Variants in ADGRA3 observed in about 807,000 individuals in gnomAD.
ADGRA3 encodes G-protein coupled receptor 125.
ADGRA3 carries 56 observed loss-of-function variants against 119.8 expected under a neutral mutation model. That is an observed-to-expected ratio of 0.47 (90% confidence interval 0.38 to 0.58). The LOEUF is 0.58. ADGRA3 is among the 20% of genes least tolerant of loss of function. The pLI, the probability that ADGRA3 is intolerant of heterozygous loss-of-function variation, is 0.00. For synonymous variants in ADGRA3, 607 were observed against 623.8 expected, an observed-to-expected ratio of 0.97 and a Z score of 0.40; for missense variants, 1,516 against 1,649.0, an observed-to-expected ratio of 0.92 and a Z score of 1.40.
chr4:22,402,854 C>G (rs1297315919), intron 14 of ADGRA3, 55 bp from the exon 15 acceptor site: 1 of 1,551,326 alleles, frequency 6.4e-7, no homozygotes, highest in African/African-American at 1.4e-5. Context: ...CATTTAACTA[C>G]TGAGATTTTT....
At chr4:22,400,983 G>A (rs1714610936) in intron 16 of ADGRA3, among the ~76,000 whole-genome samples, 1 of 152,124 alleles carries the variant, frequency 6.6e-6, no homozygotes, top group Non-Finnish European at 1.5e-5. Context: ...TGGAAACAAA[G>A]AGTAAGATAT....
chr4:22,400,486 T>G (rs916147336), intron 16 of ADGRA3, among the ~76,000 whole-genome samples: 1 of 152,144 alleles, frequency 6.6e-6, no homozygotes, highest in African/African-American at 2.4e-5. Flanking sequence ...GTATCTGAAG[T>G]AGTCACAACT....
chr4:22,400,193 G>A (rs1041390715), intron 16 of ADGRA3, among the ~76,000 whole-genome samples: 1 of 152,100 alleles, frequency 6.6e-6, no homozygotes, highest in East Asian at 1.9e-4. Flanking sequence ...AGAAAACTGA[G>A]ACACAGAAGG....
intron 1 of ADGRA3, among the ~76,000 whole-genome samples, chr4:22,499,121 C>G (rs1718958360): frequency 6.6e-6 from 1 of 152,248 alleles, no homozygotes; most frequent in East Asian, 1.9e-4. Flanking sequence ...CCCCCCTTCC[C>G]CGAACAAGTA....
intron 4 of ADGRA3, among the ~76,000 whole-genome samples, chr4:22,449,781 AGG>A (rs1716966015): frequency 6.6e-6 from 1 of 151,408 alleles, no homozygotes; most frequent in East Asian, 2.0e-4. Context: ...GGCTAAGCGG[AGG>A]TGACAGTGAA....
intron 1 of ADGRA3, among the ~76,000 whole-genome samples, chr4:22,485,382 C>A (rs931734986): frequency 6.6e-6 from 1 of 152,180 alleles, no homozygotes; most frequent in Non-Finnish European, 1.5e-5. Context: ...ACATTATAAT[C>A]CCACACTTAA....
chr4:22,475,738 T>A (rs28367242), intron 1 of ADGRA3, among the ~76,000 whole-genome samples: 14,685 of 92,764 alleles, frequency 0.16, 897 homozygotes, highest in African/African-American at 0.26. Context: ...GAAAAAAAAA[T>A]AAATAAATAA....
intron 16 of ADGRA3, chr4:22,394,102 T>A (rs1409153723): frequency 1.3e-5 from 2 of 152,194 alleles, no homozygotes; most frequent in African/African-American, 2.4e-5. Flanking sequence ...TGCTTTTTTT[T>A]AATCACTGCT....
At chr4:22,482,491 TA>T (rs34275951) in intron 1 of ADGRA3, among the ~76,000 whole-genome samples, 114,182 of 143,544 alleles carry the variant, frequency 0.8, 45,625 homozygotes, top group East Asian at 0.95. Context: ...CCCCAACTCT[TA>T]AAAAAAAAAA....
At chr4:22,394,218 C>G (rs1714257001) in intron 16 of ADGRA3, 1 of 152,046 alleles carries the variant, frequency 6.6e-6, no homozygotes, top group South Asian at 2.1e-4. Flanking sequence ...GGACCACTGT[C>G]CAGAGTTTAT....
chr4:22,388,944 G>A lies in ADGRA3; in HGVS notation c.2727C>T (p.Cys909=), dbSNP rs774607089. ...CCAAGGAGGGTTCCCATGCCATCCA[G>A]CAACTGGAAAAGAAAATGGTAAACC... ...NYGSRPNAPY[C]WMAWEPSLGA... The change falls in exon 19 of 19, where the codon TGC becomes TGT. Residue 909 remains cysteine, a synonymous_variant. Coordinates refer to ENST00000334304, the MANE Select transcript of ADGRA3 (RefSeq NM_145290.4). 3 of 1,612,024 alleles carry A rather than the reference G, an allele frequency of 1.9e-6. No individual in the cohort carries two copies. Among genetic ancestry groups the A allele is most frequent in the South Asian group, 1.1e-5 (1 of 90,932 alleles).
chr4:22,504,649 T>C (rs1394003146), intron 1 of ADGRA3, among the ~76,000 whole-genome samples: 1 of 152,078 alleles, frequency 6.6e-6, no homozygotes, highest in Non-Finnish European at 1.5e-5. Context: ...AAATGTCTCT[T>C]GATTTCATCG....
chr4:22,416,693 C>T (rs528711565), intron 12 of ADGRA3, among the ~76,000 whole-genome samples: 4 of 152,184 alleles, frequency 2.6e-5, no homozygotes, highest in Admixed American at 6.5e-5. Flanking sequence ...TAATCTAGAA[C>T]GTCATCATGT....
chr4:22,503,769 T>TAATC (rs1719137028), intron 1 of ADGRA3, among the ~76,000 whole-genome samples: 2 of 152,334 alleles, frequency 1.3e-5, no homozygotes, highest in South Asian at 2.1e-4. Context: ...TCGCATTTAC[T>TAATC]AATCACATAC....
At chr4:22,401,336 A>G in intron 16 of ADGRA3, 95 bp downstream of exon 16, 1 of 1,083,568 alleles carries the variant, frequency 9.2e-7, no homozygotes, top group Non-Finnish European at 1.3e-6. Flanking sequence ...AGTTAAAGAA[A>G]AGGTATTAAA....
At chr4:22,405,507 C>A (rs1714877788) in intron 14 of ADGRA3, among the ~76,000 whole-genome samples, 1 of 150,314 alleles carries the variant, frequency 6.7e-6, no homozygotes, top group South Asian at 2.1e-4. Context: ...GATTGCGCCA[C>A]TGCACTCCAG....
At chr4:22,464,930 C>G (rs757434641) in intron 2 of ADGRA3, among the ~76,000 whole-genome samples, 37 of 152,288 alleles carry the variant, frequency 2.4e-4, no homozygotes, top group Non-Finnish European at 5.0e-4. Flanking sequence ...AACCAAATCA[C>G]TACACTGAAA....
intron 1 of ADGRA3, among the ~76,000 whole-genome samples, chr4:22,480,019 G>T (rs56235800): frequency 6.6e-6 from 1 of 152,016 alleles, no homozygotes; most frequent in African/African-American, 2.4e-5. Flanking sequence ...AGAGGAGGGA[G>T]AGCATTAGGA....
chr4:22,428,383 T>C (rs527597826), intron 10 of ADGRA3, among the ~76,000 whole-genome samples: 2 of 151,844 alleles, frequency 1.3e-5, no homozygotes, highest in African/African-American at 4.8e-5. Context: ...TATCTTCACA[T>C]ACCCAGTAAA....
Sources: gnomAD v4.1 joint callset for allele counts (sites outside exome capture counted in the v4.1 genomes callset) on GRCh38, gnomAD v4.1.1 for gene constraint, MANE v1.5 for transcripts, NCBI Gene and HGNC (gene_info 2026-07-23, HGNC 2026-07-21) for gene names.